PDPR: variants seen among roughly 807,000 people sequenced by gnomAD.
The protein encoded by PDPR is pyruvate dehydrogenase phosphatase regulatory subunit, also known as pyruvate dehydrogenase phosphatase regulatory subunit, mitochondrial.
In PDPR, 50 loss-of-function variants were observed where a neutral mutation model predicts 102.2. The ratio of observed to expected loss-of-function variants is 0.49; its 90% confidence interval spans 0.39 to 0.62. The LOEUF (loss-of-function observed/expected upper bound fraction) is 0.62. Ranked by LOEUF, PDPR falls within the 20% of genes least tolerant of loss-of-function variation. The pLI is 0.00. For synonymous variants in PDPR, 259 were observed against 406.0 expected (o/e 0.64, Z 4.35); for missense variants, 625 against 1,098.2 (o/e 0.57, Z 6.09).
At chr16:70,120,335 G>GCA in intron 2 of PDPR, 126 bp from the exon 3 acceptor site, 1 of 625,490 alleles carries the variant, frequency 1.6e-6, no homozygotes, top group Non-Finnish European at 2.9e-6. Context: ...CAGGTGTGAG[G>GCA]CACCATGCCC....
At position 70,157,393 on chromosome 16, in the gene PDPR, G is replaced by A. The variant is rs1967342116; in HGVS notation, c.*514G>A. ...GCTCGTTCTCCTGTTCTGCTGTGCTGTGGGCTGGCACTCGATACCTCTGGC... is the reference window on the plus strand; with the variant it reads ...GCTCGTTCTCCTGTTCTGCTGTGCTATGGGCTGGCACTCGATACCTCTGGC... On this transcript the variant is annotated 3_prime_UTR_variant, in exon 19 of 19. Transcript: ENST00000288050. 7 of 362,794 alleles carry A rather than the reference G, an allele frequency of 1.9e-5. No individual in the cohort carries two copies. Among genetic ancestry groups the A allele is most frequent in the South Asian group, 1.5e-4 (7 of 47,858 alleles). 22.5% of individuals were successfully genotyped at this position (362,794 alleles called of 1,614,324 possible).
chr16:70,132,528 T>G (rs2152083135), intron 9 of PDPR, among the ~76,000 whole-genome samples: 1 of 152,384 alleles, frequency 6.6e-6, no homozygotes, highest in South Asian at 2.1e-4. Flanking sequence ...TTTTTTAATT[T>G]TATTCTTAGT....
chr16:70,119,969 T>C (rs1810677652), intron 2 of PDPR, among the ~76,000 whole-genome samples: 1 of 151,268 alleles, frequency 6.6e-6, no homozygotes, highest in African/African-American at 2.4e-5. Flanking sequence ...CAGGCTGGAG[T>C]GCGGTGGCGC....
At chr16:70,115,880 G>C (rs1192066942) in intron 2 of PDPR, among the ~76,000 whole-genome samples, 4 of 151,962 alleles carry the variant, frequency 2.6e-5, no homozygotes, top group Non-Finnish European at 5.9e-5. Context: ...TTCTCCCCTG[G>C]CTTTACCTCC....
chr16:70,138,309 C>T (rs1193528065), intron 10 of PDPR, among the ~76,000 whole-genome samples: 1 of 150,266 alleles, frequency 6.7e-6, no homozygotes, highest in Non-Finnish European at 1.5e-5. Context: ...ACCTCTGCCT[C>T]CCAGGTTCAA....
chr16:70,132,034 A>C (rs755604126), intron 8 of PDPR, 117 bp from the exon 9 acceptor site: 2 of 1,570,568 alleles, frequency 1.3e-6, no homozygotes, highest in Admixed American at 1.8e-5. Flanking sequence ...TTCTTTCATT[A>C]ATAAAGCCAT....
At chr16:70,163,421 C>A (rs1187833630), downstream of PDPR, among the ~76,000 whole-genome samples, 1 of 152,252 alleles carries the variant, frequency 6.6e-6, no homozygotes, top group Non-Finnish European at 1.5e-5. Flanking sequence ...GGTCTCCCCA[C>A]TCGCCTCTCC....
chr16:70,138,397 A>C (rs1351210469), intron 10 of PDPR, among the ~76,000 whole-genome samples: 1 of 152,156 alleles, frequency 6.6e-6, no homozygotes, highest in Non-Finnish European at 1.5e-5. Flanking sequence ...TTGTATTTTT[A>C]ATAGAGACAG....
At chr16:70,152,267 C>A (rs1966794490) in intron 17 of PDPR, among the ~76,000 whole-genome samples, 1 of 152,274 alleles carries the variant, frequency 6.6e-6, no homozygotes, top group Non-Finnish European at 1.5e-5. Context: ...GTCTGTAATC[C>A]CAGCAATTTG....
rs1407610692 is a variant in PDPR, at chr16:70,156,830, A to G, written c.2591A>G (p.Gln864Arg). 2 of 1,614,062 alleles carry G rather than the reference A, an allele frequency of 1.2e-6. No individual in the cohort carries two copies. The highest frequency in any genetic ancestry group is 3.3e-5 in the Admixed American group (2 of 60,018). Residue 864 changes from glutamine (Q) to arginine (R), a missense_variant, in exon 19 of 19, where the codon CAG becomes CGG. By Grantham distance (43) the Gln-to-Arg change is conservative. Around this residue, in one of 11 missense-constraint regions of PDPR, gnomAD observed 303 missense variants for 258.9 expected, o/e 1.17. Transcript: ENST00000288050. ...KLYPVASLFT[Q>R]KRRKDDMELS... ...TACCCTGTCGCCTCCCTCTTCACCC[A>G]GAAGCGCCGAAAGGATGACATGGAG...
rs1280034845 is a variant in PDPR, at chr16:70,161,085, T to C, written c.*4206T>C. On this transcript the variant is annotated 3_prime_UTR_variant, in exon 19 of 19. Transcript: ENST00000288050. Reference sequence around the variant, plus strand: ...TATCTCTGTTGCTTCTTGGCCAGTGTAGTCAATAAGGGTCTTCTTTAACAT... The same window carrying C: ...TATCTCTGTTGCTTCTTGGCCAGTGCAGTCAATAAGGGTCTTCTTTAACAT... 2 of 152,542 alleles carry C rather than the reference T, an allele frequency of 1.3e-5. No homozygotes were observed. The highest frequency in any genetic ancestry group is 4.8e-5 in the African/African-American group (2 of 41,474). 9.4% of individuals were successfully genotyped at this position (152,542 alleles called of 1,614,324 possible). A position where few individuals can be genotyped will look rare whatever the true frequency, so the allele number is the denominator to read the frequency against.
At chr16:70,134,963 C>G (rs530845642) in intron 9 of PDPR, among the ~76,000 whole-genome samples, 1 of 152,158 alleles carries the variant, frequency 6.6e-6, no homozygotes, top group Admixed American at 6.6e-5. Context: ...GTGGCTTACA[C>G]CTGTAATTCC....
Position 70,150,531 on chromosome 16 carries a change from A to ATTTTTTTTTTTTTTTTTTTTTTTTTT in PDPR, c.2052+1992_2052+1993insTTTTTTTTTTTTTTTTTTTTTTTTTT, listed in dbSNP as rs71151175. ...ACTTGTAGTGATAGGTTTTCTCTTAATTTTTTTTTTTTTTGTGAGACAGGG... is the reference window on the plus strand; with the variant it reads ...ACTTGTAGTGATAGGTTTTCTCTTAATTTTTTTTTTTTTTTTTTTTTTTTTTTTTTTTTTTTTTTTGTGAGACAGGG... On this transcript the variant is annotated intron_variant, in intron 17 of 18. Transcript: ENST00000288050. 1.4e-5 allele frequency among the ~76,000 whole-genome samples: 2 copies of ATTTTTTTTTTTTTTTTTTTTTTTTTT among 138,300 alleles called. 1 individual carries two copies. The highest frequency in any genetic ancestry group is 3.1e-5 in the Non-Finnish European group (2 of 64,384). The allele number at this position is 138,300 out of a possible 152,430, so 90.7% of individuals were successfully genotyped here.
intron 3 of PDPR, among the ~76,000 whole-genome samples, chr16:70,126,206 A>G (rs556414775): frequency 4.8e-4 from 73 of 152,360 alleles, no homozygotes; most frequent in Admixed American, 1.1e-3. Context: ...GTATAGATGA[A>G]TTCCAAAATT....
rs1304589216 is a variant in PDPR, at chr16:70,162,405, T to A, written c.*5526T>A. 2 of 152,490 alleles carry A rather than the reference T, an allele frequency of 1.3e-5. No individual in the cohort carries two copies. The highest frequency in any genetic ancestry group is 2.4e-5 in the African/African-American group (1 of 41,480). 9.4% of individuals were successfully genotyped at this position (152,490 alleles called of 1,614,324 possible). On this transcript the variant is annotated 3_prime_UTR_variant, in exon 19 of 19. Coordinates refer to ENST00000288050, the MANE Select transcript of PDPR (RefSeq NM_017990.5). ...CCTGGGTGACTTTGGGTGCACAGGG[T>A]GACCGAGCATTTCTGCCCCTGTGAA...
intron 16 of PDPR, among the ~76,000 whole-genome samples, chr16:70,146,864 CAA>C (rs1202287694): frequency 5.2e-5 from 3 of 57,446 alleles, no homozygotes; most frequent in Non-Finnish European, 1.2e-4. Flanking sequence ...AAGACTGTCT[CAA>C]AAAAAAAAAA....
At chr16:70,124,935 T>C in intron 3 of PDPR, among the ~76,000 whole-genome samples, 1 of 152,288 alleles carries the variant, frequency 6.6e-6, no homozygotes, top group Non-Finnish European at 1.5e-5. Flanking sequence ...TCTTGACATA[T>C]GGGTCCCTTG....
chr16:70,124,313 A>G (rs1963691518), intron 3 of PDPR, among the ~76,000 whole-genome samples: 1 of 152,282 alleles, frequency 6.6e-6, no homozygotes, highest in Admixed American at 6.5e-5. Context: ...CAGTGAGCCA[A>G]GTTTGTGCCA....
chr16:70,126,450 A>C (rs1450856628), intron 3 of PDPR, among the ~76,000 whole-genome samples: 2 of 152,202 alleles, frequency 1.3e-5, no homozygotes, highest in East Asian at 3.9e-4. Flanking sequence ...TGCAAGCTCC[A>C]CCTCCCGGGT....
Sources: allele counts gnomAD v4.1 joint callset (sites outside exome capture counted in the v4.1 genomes callset), GRCh38; gene constraint gnomAD v4.1.1; regional missense constraint gnomAD v4.1.1; transcripts MANE v1.5; gene names NCBI Gene and HGNC (gene_info 2026-07-23, HGNC 2026-07-21).